GSE1: variants seen among roughly 807,000 people sequenced by gnomAD.
The protein encoded by GSE1 is genetic suppressor element 1.
Under a neutral mutation model 112.6 loss-of-function variants are expected in GSE1, and 32 were observed. The observed-to-expected ratio is 0.28, with a 90% CI of 0.21 to 0.38. The LOEUF (loss-of-function observed/expected upper bound fraction) is 0.38, where lower values mean the gene tolerates loss of function less well. Ranked by LOEUF, GSE1 falls within the 10% of genes least tolerant of loss-of-function variation. GSE1 has a pLI of 1.00. For missense variants in GSE1, 2,348 were observed against 1,699.2 expected, an observed-to-expected ratio of 1.38 and a Z score of -6.71; for synonymous variants, 1,115 against 735.6, an observed-to-expected ratio of 1.52 and a Z score of -8.35.
rs148036267 is a variant in GSE1, at chr16:85,227,002, G to A, written c.2283+55195G>A. Among the ~76,000 whole-genome samples the A allele has an allele frequency of 5.9e-4, 90 of 151,938 alleles. 1 individual carries two copies. In the East Asian group the frequency reaches 0.014, roughly 24 times the overall value. On this transcript the variant is annotated intron_variant, in intron 1 of 2. Coordinates refer to the GSE1 transcript ENST00000637419. ...CCCACCTGCCCATCCAGCCACCCAC[G>A]CATCCCCTTTCCATCCATTCACCCA...
At chr16:85,283,895 G>A (rs2044933699) in intron 1 of GSE1, among the ~76,000 whole-genome samples, 1 of 152,214 alleles carries the variant, frequency 6.6e-6, no homozygotes, top group Admixed American at 6.5e-5. Context: ...CAGGCCGTCT[G>A]GCTCCAGCAT....
intron 1 of GSE1, among the ~76,000 whole-genome samples, chr16:85,187,856 A>G (rs1341774728): frequency 6.6e-6 from 1 of 152,238 alleles, no homozygotes; most frequent in African/African-American, 2.4e-5. Flanking sequence ...ATTTAGGGGC[A>G]GAGGAAAGGC....
chr16:85,270,762 G>C (rs1347632118), intron 1 of GSE1, among the ~76,000 whole-genome samples: 1 of 125,936 alleles, frequency 7.9e-6, no homozygotes, highest in African/African-American at 2.5e-5. Context: ...GGGTGTTTCC[G>C]GGGTGGGAGA....
intron 2 of GSE1, among the ~76,000 whole-genome samples, chr16:85,497,968 G>A (rs2051235684): frequency 6.6e-6 from 1 of 152,112 alleles, no homozygotes; most frequent in Non-Finnish European, 1.5e-5. Flanking sequence ...CAGCTGGGAG[G>A]TGGGGGAGCG....
intron 1 of GSE1, among the ~76,000 whole-genome samples, chr16:85,245,948 G>A (rs1905612406): frequency 6.6e-6 from 1 of 151,460 alleles, no homozygotes; most frequent in Non-Finnish European, 1.5e-5. Flanking sequence ...TGTTAGTTGG[G>A]GAGCAGGGCG....
At chr16:85,612,023 G>T (rs2048017301), upstream of GSE1, among the ~76,000 whole-genome samples, 2 of 151,910 alleles carry the variant, frequency 1.3e-5, no homozygotes, top group African/African-American at 4.8e-5. Flanking sequence ...GCCGCCCAGG[G>T]GGTGCTGGTT....
intron 1 of GSE1, among the ~76,000 whole-genome samples, chr16:85,599,465 G>T (rs1731741431): frequency 6.6e-6 from 1 of 152,212 alleles, no homozygotes; most frequent in Non-Finnish European, 1.5e-5. Flanking sequence ...GGGAGGTGGG[G>T]GTGGTGACAC....
At chr16:85,341,420 G>C (rs908394283) in intron 1 of GSE1, among the ~76,000 whole-genome samples, 9 of 152,174 alleles carry the variant, frequency 5.9e-5, no homozygotes, top group African/African-American at 2.2e-4. Context: ...TACTTTGGGA[G>C]GCCAAGTCGG....
chr16:85,271,731 C>T (rs1256169021), intron 1 of GSE1, among the ~76,000 whole-genome samples: 1 of 152,196 alleles, frequency 6.6e-6, no homozygotes, highest in Non-Finnish European at 1.5e-5. Context: ...CACTTTTCAC[C>T]CTGTCTTGGG....
At chr16:85,615,534 G>A (rs2048319804) in intron 1 of GSE1, among the ~76,000 whole-genome samples, 1 of 152,144 alleles carries the variant, frequency 6.6e-6, no homozygotes. Flanking sequence ...GAGCCTTGGG[G>A]GCGGTGCCGG....
At chr16:85,351,560 G>C (rs543917706) in intron 1 of GSE1, among the ~76,000 whole-genome samples, 1 of 151,950 alleles carries the variant, frequency 6.6e-6, no homozygotes, top group Admixed American at 6.6e-5. Context: ...GGTTTCTTTT[G>C]GGGGTGATGA....
intron 1 of GSE1, among the ~76,000 whole-genome samples, chr16:85,337,565 A>T (rs2046526739): frequency 1.3e-5 from 2 of 152,160 alleles, no homozygotes; most frequent in Non-Finnish European, 1.5e-5. Flanking sequence ...TCGGCCTCCC[A>T]AAGTGCTGGG....
chr16:85,447,311 A>G (rs2049543871), intron 2 of GSE1, among the ~76,000 whole-genome samples: 1 of 152,230 alleles, frequency 6.6e-6, no homozygotes, highest in Non-Finnish European at 1.5e-5. Flanking sequence ...GGCCCTGAGA[A>G]GGCACTGGAA....
At chr16:85,649,414 G>A (rs1449222833) in intron 3 of GSE1, among the ~76,000 whole-genome samples, 4 of 152,218 alleles carry the variant, frequency 2.6e-5, no homozygotes, top group African/African-American at 4.8e-5. Flanking sequence ...CAGCCCAGAC[G>A]CTATCAGAAC....
At chr16:85,643,115 G>A (rs1380898734) in intron 2 of GSE1, among the ~76,000 whole-genome samples, 1 of 152,166 alleles carries the variant, frequency 6.6e-6, no homozygotes, top group Admixed American at 6.5e-5. Context: ...TGACTTTGGG[G>A]TGTCAGCTGT....
At chr16:85,666,518 T>C (rs949761096) in intron 13 of GSE1, 171 bp downstream of exon 13, 43 of 661,798 alleles carry the variant, frequency 6.5e-5, no homozygotes, top group Non-Finnish European at 1.5e-5. Flanking sequence ...TGTTTGTTTA[T>C]CTCCAAGCTC....
At chr16:85,284,253 C>G (rs1051762629) in intron 1 of GSE1, among the ~76,000 whole-genome samples, 1 of 152,214 alleles carries the variant, frequency 6.6e-6, no homozygotes, top group African/African-American at 2.4e-5. Context: ...GTAATCACAG[C>G]ATGTGGCGCG....
rs141610610 is a variant in GSE1, at chr16:85,603,801, C to A, written c.38-44751C>A. 3.7e-3 allele frequency among the ~76,000 whole-genome samples: 571 copies of A among 152,316 alleles called. 2 individuals carry two copies. Among genetic ancestry groups the A allele is most frequent in the African/African-American group, 0.013 (538 of 41,560 alleles). On this transcript the variant is annotated intron_variant, in intron 1 of 2. Coordinates refer to the GSE1 transcript ENST00000635906. ...AGATTACAGGTGTGAGCCACTGGGCCCAGCCCAGATTGGATTGTTTTTAAT... is the reference window on the plus strand; with the variant it reads ...AGATTACAGGTGTGAGCCACTGGGCACAGCCCAGATTGGATTGTTTTTAAT...
chr16:85,582,670 C>T (rs899879213), intron 1 of GSE1, among the ~76,000 whole-genome samples: 9 of 152,130 alleles, frequency 5.9e-5, no homozygotes, highest in East Asian at 1.9e-4. Flanking sequence ...CAGTCCTCCC[C>T]GTGTTGATAA....
Sources: allele counts gnomAD v4.1 joint callset (sites outside exome capture counted in the v4.1 genomes callset), GRCh38; gene constraint gnomAD v4.1.1; transcripts MANE v1.5; gene names NCBI Gene and HGNC (gene_info 2026-07-23, HGNC 2026-07-21).